SEPTIN9: variants seen among roughly 807,000 people sequenced by gnomAD.
The protein encoded by SEPTIN9 is septin 9, also known as septin-9.
Under a neutral mutation model 56.6 loss-of-function variants are expected in SEPTIN9, and 13 were observed. The observed-to-expected ratio is 0.23, with a 90% CI of 0.15 to 0.37. The LOEUF is 0.37. SEPTIN9 is among the 10% of genes least tolerant of loss of function. SEPTIN9 has a pLI of 1.00. For missense variants in SEPTIN9, 650 were observed against 823.1 expected (o/e 0.79, Z 2.57); for synonymous variants, 332 against 334.1 (o/e 0.99, Z 0.07).
chr17:77,394,292 A>C (rs1222556500), intron 2 of SEPTIN9, among the ~76,000 whole-genome samples: 1 of 152,206 alleles, frequency 6.6e-6, no homozygotes, highest in African/African-American at 2.4e-5. Context: ...CTCACTCTGT[A>C]GATCCTAAGG....
intron 1 of SEPTIN9, among the ~76,000 whole-genome samples, chr17:77,305,681 C>T (rs1277331965): frequency 1.3e-5 from 2 of 151,638 alleles, no homozygotes; most frequent in Non-Finnish European, 2.9e-5. Flanking sequence ...ACTAGTTCCG[C>T]GAAGGATACA....
intron 2 of SEPTIN9, among the ~76,000 whole-genome samples, chr17:77,312,317 T>C (rs1360707409): frequency 6.6e-6 from 1 of 152,178 alleles, no homozygotes; most frequent in Non-Finnish European, 1.5e-5. Flanking sequence ...GAGCCCTTAG[T>C]TTCCGCCCCC....
chr17:77,322,107 T>C (rs1302575928), intron 2 of SEPTIN9, among the ~76,000 whole-genome samples: 5 of 152,170 alleles, frequency 3.3e-5, no homozygotes, highest in Non-Finnish European at 7.4e-5. Flanking sequence ...GGGTTCGGCC[T>C]TCACTTTATA....
At chr17:77,375,575 A>T (rs1169733939) in intron 2 of SEPTIN9, 16 of 152,228 alleles carry the variant, frequency 1.1e-4, no homozygotes, top group African/African-American at 3.6e-4. Context: ...CTGTCTCCCA[A>T]GCCAGTTTTG....
At chr17:77,463,443 TTTA>T (rs2038572751) in intron 3 of SEPTIN9, among the ~76,000 whole-genome samples, 1 of 152,088 alleles carries the variant, frequency 6.6e-6, no homozygotes, top group African/African-American at 2.4e-5. Flanking sequence ...GTATCTTGCT[TTTA>T]TTATTATTTT....
Position 77,399,364 on chromosome 17 carries a change from G to A in SEPTIN9, c.77-2695G>A, listed in dbSNP as rs543245340. 3.3e-5 allele frequency among the ~76,000 whole-genome samples: 5 copies of A among 152,278 alleles called. No individual in the cohort carries two copies. In the East Asian group the frequency reaches 5.8e-4, roughly 18 times the overall value. ...CTAGTTTCTGTTCTCCAACTTGACC[G>A]CACGGAAGGATGCTGAGGACACCTG... On this transcript the variant is annotated intron_variant, in intron 2 of 11. Transcript: ENST00000427177.
At chr17:77,376,300 G>T in intron 2 of SEPTIN9, 1 of 986,168 alleles carries the variant, frequency 1.0e-6, no homozygotes, top group Non-Finnish European at 1.2e-6. Context: ...TGGTCCACGG[G>T]AAGCATCTGG....
intron 2 of SEPTIN9, chr17:77,376,125 G>A: frequency 3.0e-6 from 3 of 986,756 alleles, no homozygotes; most frequent in Non-Finnish European, 3.6e-6. Context: ...GTAGGAATTG[G>A]ATTGCAAGAG....
chr17:77,341,609 T>C (rs1168354704), intron 2 of SEPTIN9, among the ~76,000 whole-genome samples: 1 of 151,624 alleles, frequency 6.6e-6, no homozygotes, highest in Admixed American at 6.6e-5. Context: ...ACCTCGTCTC[T>C]ACTAAAAATA....
intron 3 of SEPTIN9, chr17:77,446,327 C>T (rs1274028243): frequency 6.0e-6 from 1 of 166,128 alleles, no homozygotes; most frequent in Non-Finnish European, 1.5e-5. Flanking sequence ...CTCCTACAGC[C>T]TCCTCCTTCT....
chr17:77,468,221 T>C (rs442330), intron 3 of SEPTIN9, among the ~76,000 whole-genome samples: 19,129 of 151,962 alleles, frequency 0.13, 3,134 homozygotes, highest in African/African-American at 0.37. Flanking sequence ...GCCCAGATAG[T>C]GCCACTGCAC....
At chr17:77,334,128 TA>T (rs1049006772) in intron 2 of SEPTIN9, among the ~76,000 whole-genome samples, 6 of 150,284 alleles carry the variant, frequency 4.0e-5, no homozygotes, top group Non-Finnish European at 5.9e-5. Flanking sequence ...GGGTCTCATT[TA>T]AAAAAAAAAT....
At position 77,286,913 on chromosome 17, in the gene SEPTIN9, C is replaced by T. The variant is rs556340319; in HGVS notation, c.19+5359C>T. 1.2e-4 allele frequency among the ~76,000 whole-genome samples: 19 copies of T among 152,280 alleles called. No individual in the cohort carries two copies. In the South Asian group the frequency reaches 3.1e-3, roughly 25 times the overall value. On this transcript the variant is annotated intron_variant, in intron 1 of 11. Transcript: ENST00000427177. Reference sequence around the variant, plus strand: ...CTTTGGGGTGAGGCGGGAAGTGACGCGCTGGGTTCCTGCGCCTCTGTTTGT... The same window carrying T: ...CTTTGGGGTGAGGCGGGAAGTGACGTGCTGGGTTCCTGCGCCTCTGTTTGT...
At chr17:77,357,539 A>C (rs147368693) in intron 2 of SEPTIN9, among the ~76,000 whole-genome samples, 1 of 152,120 alleles carries the variant, frequency 6.6e-6, no homozygotes, top group East Asian at 1.9e-4. Context: ...TTTTTGGTGC[A>C]TTTCAAAGTA....
intron 6 of SEPTIN9, 100 bp downstream of exon 6, chr17:77,488,421 A>G (rs2039887810): frequency 9.0e-7 from 1 of 1,105,688 alleles, no homozygotes; most frequent in Non-Finnish European, 1.4e-6. Context: ...GCGGGGGTGC[A>G]GGGCCCACCT....
intron 3 of SEPTIN9, among the ~76,000 whole-genome samples, chr17:77,459,060 C>T (rs966735139): frequency 2.6e-5 from 4 of 152,192 alleles, no homozygotes; most frequent in African/African-American, 7.2e-5. Context: ...AACGGGGCCA[C>T]GGTCGGCCCC....
At chr17:77,381,538 C>T (rs1598283402) in intron 2 of SEPTIN9, among the ~76,000 whole-genome samples, 1 of 152,262 alleles carries the variant, frequency 6.6e-6, no homozygotes, top group Non-Finnish European at 1.5e-5. Flanking sequence ...CCGATGTTAT[C>T]TACAGTAAGA....
At chr17:77,486,515 TGTGTGTGCGCGCACGC>T (rs754169998) in intron 4 of SEPTIN9, among the ~76,000 whole-genome samples, 1,342 of 103,596 alleles carry the variant, frequency 0.013, 21 homozygotes, top group African/African-American at 0.051. Flanking sequence ...TGTGTGTGTG[TGTGTGTGCGCGCACGC>T]GCGCGCGTGT....
intron 3 of SEPTIN9, among the ~76,000 whole-genome samples, chr17:77,458,774 C>T (rs149496043): frequency 1.5e-3 from 236 of 152,264 alleles, no homozygotes; most frequent in African/African-American, 5.0e-3. Context: ...GTTTCTGATC[C>T]AGTGAGATAA....
Sources: gnomAD v4.1 joint callset for allele counts (sites outside exome capture counted in the v4.1 genomes callset) on GRCh38, gnomAD v4.1.1 for gene constraint, MANE v1.5 for transcripts, NCBI Gene and HGNC (gene_info 2026-07-23, HGNC 2026-07-21) for gene names.